The following NPNT variants were observed in gnomAD, a reference collection of about 807,000 sequenced individuals.
NPNT encodes the protein nephronectin.
In NPNT, 45 loss-of-function variants were observed where a neutral mutation model predicts 68.6. The ratio of observed to expected loss-of-function variants is 0.66; its 90% CI spans 0.52 to 0.84. The LOEUF is 0.84. Ranked by LOEUF, NPNT falls within the 40% of genes least tolerant of loss-of-function variation. The pLI, the probability that NPNT is intolerant of heterozygous loss-of-function variation, is 0.00. For missense variants in NPNT, 672 were observed against 714.8 expected, an observed-to-expected ratio of 0.94 and a Z score of 0.68; for synonymous variants, 233 against 253.3, an observed-to-expected ratio of 0.92 and a Z score of 0.76.
chr4:105,949,933 A>G (rs1240849874), intron 8 of NPNT, among the ~76,000 whole-genome samples: 2 of 152,124 alleles, frequency 1.3e-5, no homozygotes, highest in East Asian at 1.9e-4. Flanking sequence ...GGCGATTTTC[A>G]TTGTCTTTTT....
chr4:105,957,897 G>T (rs920434544), intron 8 of NPNT, among the ~76,000 whole-genome samples: 1 of 152,176 alleles, frequency 6.6e-6, no homozygotes, highest in Non-Finnish European at 1.5e-5. Context: ...TTTTGGTGGG[G>T]TAGATTGTAA....
chr4:105,898,359 T>TCTCTCTCTCTCTCTCTCTCTCG, intron 2 of NPNT, among the ~76,000 whole-genome samples: 1 of 148,052 alleles, frequency 6.8e-6, no homozygotes, highest in Non-Finnish European at 1.5e-5. Context: ...TCTCTCTCTC[T>TCTCTCTCTCTCTCTCTCTCTCG]CTCTCTCTCT....
rs773931314 is a variant in NPNT, at chr4:105,967,423, G to A, written c.1581G>A (p.Leu527=). The A allele has an allele frequency of 1.3e-6, 2 of 1,595,522 alleles. No individual in the cohort carries two copies. Among genetic ancestry groups the A allele is most frequent in the Non-Finnish European group, 1.7e-6 (2 of 1,171,822 alleles). ...GCTGGAGGCAAACACAGATCACCTT[G>A]CGAGGGGCTGACATCAAGAGCGTAA... ...GHGWRQTQIT[L]RGADIKSVVF... is the part of the protein sequence containing the mutation. Residue 527 remains leucine (L), a synonymous_variant, in exon 11 of 12, where the codon TTG becomes TTA. Coordinates refer to ENST00000379987, the MANE Select transcript of NPNT (RefSeq NM_001033047.3).
intron 2 of NPNT, among the ~76,000 whole-genome samples, chr4:105,921,134 G>A (rs1017514838): frequency 6.6e-6 from 1 of 152,112 alleles, no homozygotes; most frequent in African/African-American, 2.4e-5. Context: ...AAGTATTTAA[G>A]TTATTTAAAT....
In NPNT at chr4:105,970,784, C is replaced by G. The variant is rs1732509719; in HGVS notation, c.*1794C>G. On this transcript the variant is annotated 3_prime_UTR_variant, in exon 12 of 12. Coordinates refer to ENST00000379987, the MANE Select transcript of NPNT (RefSeq NM_001033047.3). ...TTTCCCAAAAGATGTTTTGATCCTA[C>G]TAGTAGTATGCAGTGAAAATCTTTA... The G allele has an allele frequency of 5.7e-6, 2 of 349,750 alleles. No individual in the cohort carries two copies. The highest frequency in any genetic ancestry group is 1.1e-5 in the Non-Finnish European group (2 of 181,048). The allele number at this position is 349,750 out of a possible 1,614,324, so 21.7% of individuals were successfully genotyped here.
At chr4:105,929,674 T>C (rs1728960430) in intron 3 of NPNT, 1 of 151,892 alleles carries the variant, frequency 6.6e-6, no homozygotes, top group African/African-American at 2.4e-5. Context: ...TTCATTAATA[T>C]ATCAGCACGG....
In NPNT at chr4:105,908,809, C is replaced by T. The variant is rs544279411; in HGVS notation, c.172+10808C>T. Among the ~76,000 whole-genome samples, 37 of 152,202 alleles carry T rather than the reference C, an allele frequency of 2.4e-4. No individual in the cohort carries two copies. In the South Asian group the frequency reaches 6.4e-3, roughly 26 times the overall value. ...CGATCTCCTGACCTCGTGATCTGCC[C>T]GCCTCAGCCTTCCAAAGTACTGGCA... On this transcript the variant is annotated intron_variant, in intron 2 of 11. Transcript: ENST00000379987.
intron 7 of NPNT, among the ~76,000 whole-genome samples, chr4:105,941,174 A>T (rs1560922964): frequency 6.6e-6 from 1 of 152,044 alleles, no homozygotes; most frequent in Non-Finnish European, 1.5e-5. Context: ...CCCTGTCTCT[A>T]CAAAAAAAAA....
chr4:105,912,399 C>T (rs1727444606), intron 2 of NPNT: 2 of 550,044 alleles, frequency 3.6e-6, no homozygotes, highest in East Asian at 3.3e-5. Context: ...TTATTCTATA[C>T]ATAATTATAG....
In NPNT at chr4:105,941,642, T is replaced by A. The variant is rs1729962463; in HGVS notation, c.764-665T>A. 2.0e-5 allele frequency among the ~76,000 whole-genome samples: 3 copies of A among 152,196 alleles called. 1 individual carries two copies. The South Asian group carries it at 6.2e-4, about 31-fold the overall frequency. Reference sequence around the variant, plus strand: ...ATGTATCATTCAGGCAGATTAAATATTGATTCTTTTTGATGAAGATTATCA... The same window carrying A: ...ATGTATCATTCAGGCAGATTAAATAATGATTCTTTTTGATGAAGATTATCA... On this transcript the variant is annotated intron_variant, in intron 7 of 11. Transcript: ENST00000379987.
chr4:105,945,877 C>T (rs1002774983), intron 8 of NPNT, among the ~76,000 whole-genome samples: 6 of 152,148 alleles, frequency 3.9e-5, no homozygotes, highest in Admixed American at 2.6e-4. Flanking sequence ...TGTCTCACAG[C>T]ATATATTTAC....
intron 3 of NPNT, among the ~76,000 whole-genome samples, chr4:105,934,331 C>T (rs1445595292): frequency 1.3e-5 from 2 of 152,122 alleles, no homozygotes; most frequent in Non-Finnish European, 2.9e-5. Context: ...TAATTGAAGA[C>T]AAGAAACTCT....
chr4:105,959,179 C>A, intron 10 of NPNT, 53 bp downstream of exon 10: 1 of 1,079,134 alleles, frequency 9.3e-7, no homozygotes, highest in Non-Finnish European at 1.4e-6. Context: ...GTGATACTAT[C>A]TGAAGACTCC....
At chr4:105,912,196 G>A (rs1011900601) in intron 2 of NPNT, 24 of 1,533,406 alleles carry the variant, frequency 1.6e-5, no homozygotes, top group African/African-American at 4.1e-5. Flanking sequence ...AGCTTTCTAC[G>A]TCTTAAGGCA....
chr4:105,898,240 A>G (rs1560881448), intron 2 of NPNT: 1 of 322,074 alleles, frequency 3.1e-6, no homozygotes, highest in African/African-American at 2.2e-5. Context: ...TTCTTTTAGC[A>G]TTTTTCCCCC....
At chr4:105,966,453 T>C (rs1732146033) in intron 10 of NPNT, among the ~76,000 whole-genome samples, 1 of 152,218 alleles carries the variant, frequency 6.6e-6, no homozygotes, top group Non-Finnish European at 1.5e-5. Flanking sequence ...TTTGTGTTCA[T>C]GTATATATAA....
At chr4:105,901,795 T>C (rs1030983093) in intron 2 of NPNT, among the ~76,000 whole-genome samples, 2 of 152,204 alleles carry the variant, frequency 1.3e-5, no homozygotes, top group African/African-American at 4.8e-5. Flanking sequence ...TGGATTCTTA[T>C]CGGCTTCAGA....
intron 2 of NPNT, among the ~76,000 whole-genome samples, chr4:105,901,542 G>T (rs28478039): frequency 0.042 from 6,407 of 152,214 alleles, 434 homozygotes; most frequent in African/African-American, 0.14. Context: ...CAGTTCCAAG[G>T]TTTAACAAAA....
chr4:105,922,449 G>A (rs972711339), intron 2 of NPNT, among the ~76,000 whole-genome samples: 9 of 149,664 alleles, frequency 6.0e-5, no homozygotes, highest in African/African-American at 1.2e-4. Flanking sequence ...GTGCAGTGGC[G>A]CAGTCTCAGC....
Sources: allele counts gnomAD v4.1 joint callset (sites outside exome capture counted in the v4.1 genomes callset), GRCh38; gene constraint gnomAD v4.1.1; transcripts MANE v1.5; gene names NCBI Gene and HGNC (gene_info 2026-07-23, HGNC 2026-07-21).